The following ARHGAP15 variants were observed in gnomAD, a reference collection of about 807,000 sequenced individuals.
ARHGAP15 encodes rho GTPase-activating protein 15.
A neutral mutation model predicts 63.7 loss-of-function variants in ARHGAP15; 51 were observed. The observed-to-expected ratio is 0.80, with a 90% CI of 0.64 to 1.01. The LOEUF (loss-of-function observed/expected upper bound fraction) is 1.01. ARHGAP15 is among the 50% of genes least tolerant of loss of function. The probability of loss-of-function intolerance (pLI) is 0.00; values close to 1 mark genes in which losing one functional copy is unlikely to be tolerated. For missense variants in ARHGAP15, 560 were observed against 564.6 expected (o/e 0.99, Z 0.08); for synonymous variants, 191 against 193.8 (o/e 0.99, Z 0.12).
intron 9 of ARHGAP15, among the ~76,000 whole-genome samples, chr2:143,515,975 C>T (rs754540046): frequency 8.5e-5 from 13 of 152,090 alleles, no homozygotes; most frequent in Non-Finnish European, 1.3e-4. Flanking sequence ...CTTTCATTCC[C>T]GAAAATGCTC....
At chr2:143,437,956 A>G (rs1689686459) in intron 8 of ARHGAP15, among the ~76,000 whole-genome samples, 1 of 152,152 alleles carries the variant, frequency 6.6e-6, no homozygotes, top group South Asian at 2.1e-4. Context: ...CCAGAGAGTC[A>G]GAGGTTGCAG....
At chr2:143,533,943 A>G (rs1484452149) in intron 10 of ARHGAP15, among the ~76,000 whole-genome samples, 1 of 152,204 alleles carries the variant, frequency 6.6e-6, no homozygotes, top group African/African-American at 2.4e-5. Context: ...TTAGGTTGTT[A>G]CTGGGGAAGA....
chr2:143,561,203 C>T (rs191373612), intron 11 of ARHGAP15, among the ~76,000 whole-genome samples: 1 of 152,170 alleles, frequency 6.6e-6, no homozygotes, highest in African/African-American at 2.4e-5. Flanking sequence ...TTGAGCTGCC[C>T]ATCTATGCCT....
chr2:143,251,440 T>C (rs1321807711), intron 6 of ARHGAP15, among the ~76,000 whole-genome samples: 1 of 152,040 alleles, frequency 6.6e-6, no homozygotes, highest in Non-Finnish European at 1.5e-5. Flanking sequence ...TCTTAAATGC[T>C]TTGCTGAAAT....
Position 143,287,013 on chromosome 2 carries a change from G to A in ARHGAP15, c.474+36413G>A, listed in dbSNP as rs1283319105. Among the ~76,000 whole-genome samples, 8 of 152,044 alleles carry A rather than the reference G, an allele frequency of 5.3e-5. No homozygotes were observed. In the East Asian group the frequency reaches 1.5e-3, roughly 29 times the overall value. The stretch of plus-strand genomic sequence containing the variant: ...ATAGCCAGGTGGGTAGAGCCCATCT[G>A]GACTGTAAATACATAATTCTTAGGA... On this transcript the variant is annotated intron_variant, in intron 6 of 13. Transcript: ENST00000295095.
At chr2:143,234,321 T>C (rs1402965907) in intron 5 of ARHGAP15, among the ~76,000 whole-genome samples, 1 of 152,348 alleles carries the variant, frequency 6.6e-6, no homozygotes, top group East Asian at 1.9e-4. Context: ...TCTAAATTTG[T>C]GTCAGTATGT....
At chr2:143,259,627 G>C (rs191350998) in intron 6 of ARHGAP15, among the ~76,000 whole-genome samples, 5 of 152,190 alleles carry the variant, frequency 3.3e-5, no homozygotes, top group African/African-American at 1.2e-4. Flanking sequence ...GGGTGCTCTC[G>C]GGAGGTATTT....
chr2:143,210,324 T>TC (rs1356730259), intron 3 of ARHGAP15, among the ~76,000 whole-genome samples: 1 of 151,304 alleles, frequency 6.6e-6, no homozygotes, highest in East Asian at 1.9e-4. Flanking sequence ...GAACCTGGAT[T>TC]CCTTGGTGGT....
chr2:143,504,331 C>T (rs984595755), intron 9 of ARHGAP15, among the ~76,000 whole-genome samples: 1 of 152,106 alleles, frequency 6.6e-6, no homozygotes, highest in Admixed American at 6.6e-5. Context: ...GGCACTGGGC[C>T]TACAAAGATG....
At chr2:143,393,939 G>T (rs1183507917) in intron 6 of ARHGAP15, among the ~76,000 whole-genome samples, 2 of 152,050 alleles carry the variant, frequency 1.3e-5, no homozygotes. Flanking sequence ...GTCAGCATTG[G>T]CATTCTTATG....
chr2:143,598,335 A>G (rs189772719), intron 11 of ARHGAP15, among the ~76,000 whole-genome samples: 28 of 152,346 alleles, frequency 1.8e-4, no homozygotes, highest in Non-Finnish European at 3.2e-4. Flanking sequence ...AAATGTGGCT[A>G]AAGGAGTGAT....
At chr2:143,282,618 C>CA (rs142763070) in intron 6 of ARHGAP15, among the ~76,000 whole-genome samples, 31,427 of 151,980 alleles carry the variant, frequency 0.21, 3,933 homozygotes, top group African/African-American at 0.35. Context: ...GTGGGAGCTA[C>CA]AATTCAAAAT....
intron 11 of ARHGAP15, among the ~76,000 whole-genome samples, chr2:143,578,138 T>C (rs993107136): frequency 2.6e-5 from 4 of 152,186 alleles, no homozygotes; most frequent in Non-Finnish European, 5.9e-5. Flanking sequence ...GGGGTAATCA[T>C]GTCCAAGTTA....
intron 6 of ARHGAP15, among the ~76,000 whole-genome samples, chr2:143,383,361 CTTTTA>C (rs1283619581): frequency 1.3e-5 from 2 of 152,090 alleles, no homozygotes; most frequent in Admixed American, 6.6e-5. Context: ...CAAGGCAATA[CTTTTA>C]TTTGAATGTA....
intron 11 of ARHGAP15, among the ~76,000 whole-genome samples, chr2:143,609,787 G>A (rs551868682): frequency 2.5e-4 from 38 of 152,206 alleles, no homozygotes; most frequent in Non-Finnish European, 3.8e-4. Context: ...TTGGGCCAAC[G>A]AGAGGCATCT....
At chr2:143,191,574 C>T (rs189164696) in intron 2 of ARHGAP15, among the ~76,000 whole-genome samples, 18 of 152,224 alleles carry the variant, frequency 1.2e-4, no homozygotes, top group Admixed American at 7.8e-4. Flanking sequence ...ATCTGCTTTT[C>T]TTCATTTTCA....
At chr2:143,250,658 G>C (rs1041066706) in intron 6 of ARHGAP15, 58 bp downstream of exon 6, 128 of 1,435,892 alleles carry the variant, frequency 8.9e-5, no homozygotes, top group Admixed American at 4.0e-4. Context: ...GAGCTCTCTT[G>C]GGTAACTAAA....
chr2:143,476,165 C>T (rs1484969519), intron 8 of ARHGAP15, among the ~76,000 whole-genome samples: 1 of 152,100 alleles, frequency 6.6e-6, no homozygotes, highest in Admixed American at 6.5e-5. Context: ...AAAACTATTG[C>T]TGAAGTTTCT....
chr2:143,755,282 G>T (rs1214620077), intron 13 of ARHGAP15, among the ~76,000 whole-genome samples: 2 of 150,022 alleles, frequency 1.3e-5, no homozygotes, highest in African/African-American at 2.5e-5. Flanking sequence ...TATGGGGGGG[G>T]GGGATCTATA....
Sources: gnomAD v4.1 joint callset for allele counts (sites outside exome capture counted in the v4.1 genomes callset) on GRCh38, gnomAD v4.1.1 for gene constraint, MANE v1.5 for transcripts, NCBI Gene and HGNC (gene_info 2026-07-23, HGNC 2026-07-21) for gene names.